Variants in SLC20A2 observed in about 807,000 individuals in gnomAD.
SLC20A2 encodes the protein sodium-dependent phosphate transporter 2.
A neutral mutation model predicts 61.0 loss-of-function variants in SLC20A2; 30 were observed. The ratio of observed to expected loss-of-function variants is 0.49; its 90% CI spans 0.37 to 0.67. The LOEUF is 0.67. SLC20A2 is among the 30% of genes least tolerant of loss of function. SLC20A2 has a pLI of 0.00. For synonymous variants in SLC20A2, 351 were observed against 353.3 expected, an observed-to-expected ratio of 0.99 and a Z score of 0.07; for missense variants, 626 against 866.4, an observed-to-expected ratio of 0.72 and a Z score of 3.48.
At chr8:42,519,515 T>C (rs1476221989) in intron 1 of SLC20A2, among the ~76,000 whole-genome samples, 2 of 152,068 alleles carry the variant, frequency 1.3e-5, no homozygotes, top group African/African-American at 2.4e-5. Flanking sequence ...TGGCCCAGCA[T>C]AGACACTTGC....
intron 10 of SLC20A2, among the ~76,000 whole-genome samples, chr8:42,421,445 G>A (rs1162567656): frequency 1.1e-4 from 17 of 152,186 alleles, no homozygotes; most frequent in Admixed American, 6.5e-4. Flanking sequence ...TGATGAACAA[G>A]TGCTGGATTT....
intron 1 of SLC20A2, among the ~76,000 whole-genome samples, chr8:42,512,160 C>T (rs1811068679): frequency 1.3e-5 from 2 of 152,092 alleles, no homozygotes; most frequent in African/African-American, 4.8e-5. Context: ...TATATTCTTG[C>T]CTCTCCAATT....
intron 1 of SLC20A2, among the ~76,000 whole-genome samples, chr8:42,494,853 TTTTG>T (rs1809797020): frequency 6.6e-6 from 1 of 152,020 alleles, no homozygotes; most frequent in South Asian, 2.1e-4. Flanking sequence ...AACCACTCTT[TTTTG>T]TTTTTTTGAG....
intron 6 of SLC20A2, among the ~76,000 whole-genome samples, chr8:42,443,128 T>C (rs1804907004): frequency 6.7e-6 from 1 of 149,504 alleles, no homozygotes; most frequent in Non-Finnish European, 1.5e-5. Context: ...ACTATAACTA[T>C]AATAATACAA....
intron 6 of SLC20A2, 40 bp from the exon 7 acceptor site, chr8:42,439,693 G>T: frequency 7.2e-7 from 1 of 1,380,252 alleles, no homozygotes; most frequent in Non-Finnish European, 1.0e-6. Context: ...CTGGAAGAGA[G>T]TTCTTATTAT....
chr8:42,504,009 G>GGCTC (rs1436129107), upstream of SLC20A2, among the ~76,000 whole-genome samples: 13 of 152,162 alleles, frequency 8.5e-5, no homozygotes, highest in African/African-American at 3.1e-4. Flanking sequence ...GCACAATCAT[G>GGCTC]GCTCACTGCA....
At chr8:42,447,471 A>C (rs551736703) in intron 5 of SLC20A2, among the ~76,000 whole-genome samples, 1 of 152,088 alleles carries the variant, frequency 6.6e-6, no homozygotes, top group Non-Finnish European at 1.5e-5. Flanking sequence ...AGGTCAGGAG[A>C]TGGAGACCAT....
intron 1 of SLC20A2, chr8:42,484,817 C>A: frequency 6.3e-6 from 2 of 317,012 alleles, no homozygotes; most frequent in East Asian, 9.0e-5. Context: ...GCCTGGCCTT[C>A]CAGACCCCGA....
intron 1 of SLC20A2, among the ~76,000 whole-genome samples, chr8:42,533,006 A>C (rs1812438007): frequency 6.6e-6 from 1 of 152,250 alleles, no homozygotes; most frequent in African/African-American, 2.4e-5. Flanking sequence ...AAGAGGAAAA[A>C]TATAAAAGTG....
At chr8:42,476,738 C>T (rs1439421868) in intron 1 of SLC20A2, among the ~76,000 whole-genome samples, 1 of 152,196 alleles carries the variant, frequency 6.6e-6, no homozygotes, top group Non-Finnish European at 1.5e-5. Context: ...CTCAGCCCAC[C>T]AGCCTAAGTC....
intron 1 of SLC20A2, among the ~76,000 whole-genome samples, chr8:42,524,817 AAAAAT>A (rs1811822353): frequency 6.6e-6 from 1 of 152,114 alleles, no homozygotes; most frequent in South Asian, 2.1e-4. Flanking sequence ...AAATAAAAAT[AAAAAT>A]AAAATATACC....
chr8:42,476,189 T>G (rs560619726), intron 1 of SLC20A2, among the ~76,000 whole-genome samples: 103 of 144,350 alleles, frequency 7.1e-4, no homozygotes, highest in African/African-American at 2.5e-3. Flanking sequence ...CTCCGCCTCC[T>G]GGGTTCACGC....
rs1469371046 is a variant in SLC20A2, at chr8:42,444,692, A to G, written c.684T>C (p.Phe228=). Residue 228 remains phenylalanine (F), a synonymous_variant, in exon 6 of 11, where the codon TTT becomes TTC. Coordinates refer to ENST00000520262, the MANE Select transcript of SLC20A2 (RefSeq NM_001257180.2). ...ACGGACACACGAAGAGCCACACAAAAAAAGCGAACAGGAGGGCGACACCAA... is the reference window on the plus strand; with the variant it reads ...ACGGACACACGAAGAGCCACACAAAGAAAGCGAACAGGAGGGCGACACCAA... ...ISFGVALLFA[F]FVWLFVCPWM... The G allele has an allele frequency of 1.9e-6, 3 of 1,614,040 alleles. No individual in the cohort carries two copies. In the Admixed American group the frequency reaches 5.0e-5, roughly 27 times the overall value.
chr8:42,468,145 G>A (rs952551693), intron 2 of SLC20A2, among the ~76,000 whole-genome samples: 4 of 151,922 alleles, frequency 2.6e-5, no homozygotes, highest in South Asian at 2.1e-4. Flanking sequence ...CTCATGATCC[G>A]CCTGCCTCGG....
At chr8:42,428,132 C>T (rs943175618) in intron 10 of SLC20A2, among the ~76,000 whole-genome samples, 3 of 152,182 alleles carry the variant, frequency 2.0e-5, no homozygotes, top group South Asian at 2.1e-4. Context: ...CTGAAACTCC[C>T]GGAACCCATT....
intron 1 of SLC20A2, among the ~76,000 whole-genome samples, chr8:42,473,707 C>T (rs1183206709): frequency 6.6e-6 from 1 of 152,128 alleles, no homozygotes; most frequent in Non-Finnish European, 1.5e-5. Context: ...AGAGCCAAGG[C>T]ACTGTATATT....
chr8:42,541,861 C>T lies in SLC20A2; in HGVS notation c.-305G>A, dbSNP rs2923444. The T allele has an allele frequency of 0.68, 103,858 of 151,716 alleles. 36,407 individuals are homozygous for T. The highest frequency in any genetic ancestry group is 0.84 in the African/African-American group (34,971 of 41,474). The allele number at this position is 151,716 out of a possible 1,614,324, so 9.4% of individuals were successfully genotyped here. On this transcript the variant is annotated 5_prime_UTR_variant, in exon 1 of 11. Coordinates refer to the SLC20A2 transcript ENST00000342228. ...TGCGGTCCCCGAAACTCCGAGCACCCGCCCGGTCCCGGCGCGGAGCCCCTC... is the reference window on the plus strand; with the variant it reads ...TGCGGTCCCCGAAACTCCGAGCACCTGCCCGGTCCCGGCGCGGAGCCCCTC...
chr8:42,494,639 C>A (rs1472944716), intron 1 of SLC20A2, among the ~76,000 whole-genome samples: 1 of 152,168 alleles, frequency 6.6e-6, no homozygotes, highest in African/African-American at 2.4e-5. Context: ...TTTCAAATGG[C>A]TGCGTAGTGT....
intron 1 of SLC20A2, among the ~76,000 whole-genome samples, chr8:42,496,054 C>T (rs1378971595): frequency 1.3e-5 from 2 of 152,176 alleles, no homozygotes; most frequent in African/African-American, 4.8e-5. Flanking sequence ...CCGGCCAGAT[C>T]CCATTTTCAA....
Sources: gnomAD v4.1 joint callset for allele counts (sites outside exome capture counted in the v4.1 genomes callset) on GRCh38, gnomAD v4.1.1 for gene constraint, MANE v1.5 for transcripts, NCBI Gene and HGNC (gene_info 2026-07-23, HGNC 2026-07-21) for gene names.